USF3: variants seen among roughly 807,000 people sequenced by gnomAD.
USF3 encodes basic helix-loop-helix domain-containing protein USF3.
USF3 carries 29 observed loss-of-function variants against 157.5 expected under a neutral mutation model. The observed-to-expected ratio is 0.18, with a 90% CI of 0.14 to 0.25. The LOEUF is 0.25. Among genes scored for constraint, USF3 ranks in the 10% least tolerant of loss-of-function variants. The probability of loss-of-function intolerance (pLI) is 1.00; values close to 1 mark genes in which losing one functional copy is unlikely to be tolerated. For synonymous variants in USF3, 893 were observed against 941.4 expected, an observed-to-expected ratio of 0.95 and a Z score of 0.94; for missense variants, 2,381 against 2,667.6, an observed-to-expected ratio of 0.89 and a Z score of 2.37.
intron 5 of USF3, among the ~76,000 whole-genome samples, chr3:113,669,535 T>C (rs1254531929): frequency 1.3e-5 from 2 of 152,200 alleles, no homozygotes; most frequent in Non-Finnish European, 2.9e-5. Context: ...TAAACCTTTT[T>C]GTGCCTTTCG....
At chr3:113,680,968 G>A (rs1707408886) in intron 1 of USF3, among the ~76,000 whole-genome samples, 2 of 151,742 alleles carry the variant, frequency 1.3e-5, no homozygotes, top group Non-Finnish European at 2.9e-5. Context: ...TTTATTTGAA[G>A]TTTTTCTACT....
intron 6 of USF3, 151 bp downstream of exon 6, chr3:113,664,162 G>A (rs775855491): frequency 6.1e-5 from 33 of 539,628 alleles, no homozygotes; most frequent in Non-Finnish European, 8.8e-5. Flanking sequence ...GAATTTATTG[G>A]TAACATTATT....
At position 113,658,441 on chromosome 3, in the gene USF3, C is replaced by G; in HGVS notation, c.3241G>C (p.Gly1081Arg). The stretch of plus-strand genomic sequence containing the variant: ...GACATGGGAGAGTCGGCCTGTCTAC[C>G]GTTGATCAAAGAACCATTAATAACC... ...QEVINGSLIN[G>R]RQADSPMSTS... Residue 1081 changes from glycine to arginine, a missense_variant, in exon 7 of 7, where the codon GGT becomes CGT. This residue lies in a region of USF3 where 1,435 missense variants were observed against 1,550.9 expected (regional missense o/e 0.93). Coordinates refer to ENST00000316407, the MANE Select transcript of USF3 (RefSeq NM_001009899.4). 1 of 1,614,058 alleles carries G rather than the reference C, an allele frequency of 6.2e-7. No individual in the cohort carries two copies. Among genetic ancestry groups the G allele is most frequent in the Non-Finnish European group, 8.5e-7 (1 of 1,180,026 alleles).
At position 113,659,259 on chromosome 3, in the gene USF3, T is replaced by A. The variant is rs1947431439; in HGVS notation, c.2423A>T (p.Asn808Ile). 2 of 1,614,184 alleles carry A rather than the reference T, an allele frequency of 1.2e-6. No individual in the cohort carries two copies. Residue 808 changes from asparagine (N) to isoleucine (I), a missense_variant, in exon 7 of 7, where the codon AAC becomes ATC. By Grantham distance (149) the Asn-to-Ile change is moderately radical (BLOSUM62 -3). Transcript: ENST00000316407. ...KPGGRKHLAA[N>I]KSACPLNSVR... ...TGAATTCAGGGGACACGCTGACTTG[T>A]TTGCTGCTAAGTGTTTCCTGCCACC...
chr3:113,681,853 G>A (rs1707437882), intron 1 of USF3, among the ~76,000 whole-genome samples: 1 of 145,956 alleles, frequency 6.9e-6, no homozygotes, highest in African/African-American at 2.6e-5. Flanking sequence ...CGAGTAGCTG[G>A]GATTACAGGT....
intron 5 of USF3, among the ~76,000 whole-genome samples, chr3:113,668,838 G>A (rs1189637296): frequency 1.3e-5 from 2 of 152,076 alleles, no homozygotes; most frequent in African/African-American, 4.8e-5. Flanking sequence ...AAATATAAGA[G>A]CTGCAATTAA....
chr3:113,689,391 G>C (rs1343501518), intron 1 of USF3, among the ~76,000 whole-genome samples: 1 of 152,206 alleles, frequency 6.6e-6, no homozygotes, highest in Non-Finnish European at 1.5e-5. Context: ...TGAGAAGATA[G>C]AAGTCAAGTC....
In USF3 at chr3:113,690,676, T is replaced by C. The variant is rs182007060; in HGVS notation, c.-135+5694A>G. On this transcript the variant is annotated intron_variant, in intron 1 of 6. Coordinates refer to ENST00000316407, the MANE Select transcript of USF3 (RefSeq NM_001009899.4). Reference sequence around the variant, plus strand: ...TTTCCCACTGAAATGACCTTTCCACTTTGCTCTGTTTATCCAAATCCTACC... The same window carrying C: ...TTTCCCACTGAAATGACCTTTCCACCTTGCTCTGTTTATCCAAATCCTACC... Among the ~76,000 whole-genome samples the C allele has an allele frequency of 2.0e-4, 30 of 152,286 alleles. No homozygotes were observed. The East Asian group carries it at 5.2e-3, about 26-fold the overall frequency.
chr3:113,690,756 T>C (rs550186742), intron 1 of USF3, among the ~76,000 whole-genome samples: 3 of 152,318 alleles, frequency 2.0e-5, no homozygotes, highest in African/African-American at 7.2e-5. Context: ...TTCCCTAATA[T>C]TTCTAGCAAA....
At chr3:113,673,324 A>AG (rs1707205014) in intron 4 of USF3, 24 bp downstream of exon 4, 1 of 1,563,314 alleles carries the variant, frequency 6.4e-7, no homozygotes, top group Non-Finnish European at 8.8e-7. Context: ...AAATGCTAAC[A>AG]GGTAAAATTT....
chr3:113,667,957 T>C (rs1289586027), intron 5 of USF3, among the ~76,000 whole-genome samples: 1 of 151,958 alleles, frequency 6.6e-6, no homozygotes, highest in African/African-American at 2.4e-5. Flanking sequence ...GAAGAGTAAG[T>C]CCTTTCCAAG....
intron 5 of USF3, 129 bp from the exon 6 acceptor site, chr3:113,664,538 T>C (rs1947534674): frequency 5.6e-6 from 3 of 539,614 alleles, no homozygotes; most frequent in Non-Finnish European, 9.8e-6. Flanking sequence ...ACAGGCACTA[T>C]ATTCAAAAGC....
chr3:113,652,983 A>G lies in USF3; in HGVS notation c.*1961T>C, dbSNP rs1947290877. ...CTCCTGAGGAAGAGGAACTTGAAAA[A>G]GGAATATTCAAGGTGCTGTTCCTGG... On this transcript the variant is annotated 3_prime_UTR_variant, in exon 7 of 7. Coordinates refer to ENST00000316407, the MANE Select transcript of USF3 (RefSeq NM_001009899.4). 1 of 1,080,576 alleles carries G rather than the reference A, an allele frequency of 9.3e-7. No homozygotes were observed. Among genetic ancestry groups the G allele is most frequent in the Non-Finnish European group, 1.3e-6 (1 of 774,530 alleles). The allele number at this position is 1,080,576 out of a possible 1,614,324, so 66.9% of individuals were successfully genotyped here. A position where few individuals can be genotyped will look rare whatever the true frequency, so the allele number is the denominator to read the frequency against.
intron 1 of USF3, among the ~76,000 whole-genome samples, chr3:113,679,883 G>A (rs1447696892): frequency 1.3e-5 from 2 of 150,990 alleles, no homozygotes; most frequent in Non-Finnish European, 2.9e-5. Flanking sequence ...CTAGTAGTTT[G>A]TTCATTTTTA....
chr3:113,679,604 G>T (rs1196969719), intron 1 of USF3, among the ~76,000 whole-genome samples: 1 of 151,800 alleles, frequency 6.6e-6, no homozygotes, highest in Non-Finnish European at 1.5e-5. Flanking sequence ...AGTAGAGACG[G>T]GGTTTCACCA....
chr3:113,684,333 C>G (rs1050437193), intron 1 of USF3, among the ~76,000 whole-genome samples: 1 of 151,934 alleles, frequency 6.6e-6, no homozygotes, highest in Non-Finnish European at 1.5e-5. Flanking sequence ...TTGAGATAGT[C>G]TTCTTTGAGT....
Position 113,657,317 on chromosome 3 carries a change from A to G in USF3, c.4365T>C (p.Ser1455=). Residue 1455 remains serine (S), a synonymous_variant, in exon 7 of 7, where the codon AGT becomes AGC. Coordinates refer to ENST00000316407, the MANE Select transcript of USF3 (RefSeq NM_001009899.4). ...GCTGCTGCTTTATGTAGAGATGGTT[A>G]CTATGAAGGTGAGATACACCTTGAG... is the stretch of plus-strand genomic sequence containing the variant. ...VPAQGVSHLH[S]NHLYIKQQQQ... is the part of the protein sequence containing the mutation. 1.2e-6 allele frequency: 2 copies of G among 1,613,548 alleles called. No homozygotes were observed. The highest frequency in any genetic ancestry group is 1.7e-6 in the Non-Finnish European group (2 of 1,179,754).
In USF3 at chr3:113,657,076, G is replaced by A; in HGVS notation, c.4606C>T (p.Leu1536Phe). The A allele has an allele frequency of 2.5e-6, 4 of 1,614,108 alleles. No homozygotes were observed. Among genetic ancestry groups the A allele is most frequent in the Non-Finnish European group, 3.4e-6 (4 of 1,180,014 alleles). ...NLVQGTQTSQ[L>F]SLQPKHHGTD... ...CCATGGTGCTTTGGTTGTAAGGAAA[G>A]CTGAGAGGTCTGGGTGCCCTGAACA... The change falls in exon 7 of 7, where the codon CTT (leucine) becomes TTT (phenylalanine). Residue 1536 changes from leucine (L) to phenylalanine (F), a missense_variant. By Grantham distance (22) the Leu-to-Phe change is conservative (BLOSUM62 0). Around this residue, in one of 6 missense-constraint regions of USF3, gnomAD observed 50 missense variants for 79.7 expected, o/e 0.63. Transcript: ENST00000316407.
At chr3:113,695,306 G>T (rs1167649053) in intron 1 of USF3, among the ~76,000 whole-genome samples, 1 of 152,196 alleles carries the variant, frequency 6.6e-6, no homozygotes, top group East Asian at 1.9e-4. Flanking sequence ...TCTGTACTAT[G>T]TTAAACAAGA....
Sources: allele counts gnomAD v4.1 joint callset (sites outside exome capture counted in the v4.1 genomes callset), GRCh38; gene constraint gnomAD v4.1.1; regional missense constraint gnomAD v4.1.1; transcripts MANE v1.5; gene names NCBI Gene and HGNC (gene_info 2026-07-23, HGNC 2026-07-21).